The following EGLN1 variants were observed in gnomAD, a reference collection of about 807,000 sequenced individuals.
EGLN1 encodes egl nine homolog 1.
EGLN1 carries 17 observed loss-of-function variants against 38.3 expected under a neutral mutation model. The ratio of observed to expected loss-of-function variants is 0.44; its 90% CI spans 0.30 to 0.67. The LOEUF is 0.67. Ranked by LOEUF, EGLN1 falls within the 30% of genes least tolerant of loss-of-function variation. The pLI is 0.08. For synonymous variants in EGLN1, 283 were observed against 257.5 expected, an observed-to-expected ratio of 1.10 and a Z score of -0.95; for missense variants, 477 against 603.3, an observed-to-expected ratio of 0.79 and a Z score of 2.19.
intron 1 of EGLN1, among the ~76,000 whole-genome samples, chr1:231,397,473 GA>G (rs1688559460): frequency 6.6e-6 from 1 of 152,164 alleles, no homozygotes; most frequent in Non-Finnish European, 1.5e-5. Flanking sequence ...GCCTACCACT[GA>G]TTTTTGTAAA....
chr1:231,366,059 A>G lies in EGLN1; in HGVS notation c.*352T>C. The G allele has an allele frequency of 3.8e-6, 1 of 263,258 alleles. No homozygotes were observed. The highest frequency in any genetic ancestry group is 8.3e-5 in the East Asian group (1 of 12,100). The allele number at this position is 263,258 out of a possible 1,614,324, so 16.3% of individuals were successfully genotyped here. On this transcript the variant is annotated 3_prime_UTR_variant, in exon 5 of 5. Transcript: ENST00000366641. ...AAAAATTATCCCAAATTCAAACTTG[A>G]TATAAAAAAGGGAGAGATGAAATGA...
At chr1:231,402,832 G>A (rs1234402334) in intron 1 of EGLN1, among the ~76,000 whole-genome samples, 1 of 150,342 alleles carries the variant, frequency 6.7e-6, no homozygotes, top group East Asian at 2.0e-4. Context: ...AGATAGCCAT[G>A]TATTCCAAAA....
Position 231,366,247 on chromosome 1 carries a change from C to T in EGLN1, c.*164G>A. 1 of 701,674 alleles carries T rather than the reference C, an allele frequency of 1.4e-6. No individual in the cohort carries two copies. The highest frequency in any genetic ancestry group is 1.7e-5 in the South Asian group (1 of 58,476). 43.5% of individuals were successfully genotyped at this position (701,674 alleles called of 1,614,324 possible). On this transcript the variant is annotated 3_prime_UTR_variant, in exon 5 of 5. Transcript: ENST00000366641. ...TTGATCATGCAGTACAAAGTCACAG[C>T]AGTCAAAATCTTCTGTTTGATGCAA...
At chr1:231,397,280 C>T (rs942069145) in intron 1 of EGLN1, among the ~76,000 whole-genome samples, 7 of 152,132 alleles carry the variant, frequency 4.6e-5, no homozygotes, top group Admixed American at 3.9e-4. Flanking sequence ...CTTGGGTGGC[C>T]ACTTATGTTA....
chr1:231,375,222 A>C (rs1462728161), intron 1 of EGLN1, among the ~76,000 whole-genome samples: 1 of 149,720 alleles, frequency 6.7e-6, no homozygotes, highest in African/African-American at 2.4e-5. Context: ...GGCCCGGCTA[A>C]TTTTTGTATT....
At chr1:231,392,489 TG>T (rs1207466900) in intron 1 of EGLN1, among the ~76,000 whole-genome samples, 1 of 152,064 alleles carries the variant, frequency 6.6e-6, no homozygotes, top group African/African-American at 2.4e-5. Flanking sequence ...TGTCAACCAG[TG>T]TAACTAGACA....
At position 231,421,048 on chromosome 1, in the gene EGLN1, G is replaced by GT. The variant is rs2102946844; in HGVS notation, c.840dup (p.Arg281ThrfsTer4). The GT allele has an allele frequency of 6.2e-7, 1 of 1,614,126 alleles. No individual in the cohort carries two copies. The highest frequency in any genetic ancestry group is 8.5e-7 in the Non-Finnish European group (1 of 1,180,020). ...CTGCCCAGCTTCCCGTTACAGTGGCGTATCAGGTCGTCCATGCTGCTCATG... is the reference window on the plus strand; with the variant it reads ...CTGCCCAGCTTCCCGTTACAGTGGCGTTATCAGGTCGTCCATGCTGCTCATG... On this transcript the variant is annotated frameshift_variant, in exon 1 of 5. Transcript: ENST00000366641. LOFTEE classifies it high-confidence loss of function. The surrounding 1 kb of genome is among the most constrained non-coding windows in gnomAD (Gnocchi z 5.5).
chr1:231,375,451 C>T (rs181499278), intron 1 of EGLN1, among the ~76,000 whole-genome samples: 3 of 152,342 alleles, frequency 2.0e-5, no homozygotes, highest in Admixed American at 6.5e-5. Context: ...AATTGTTCTA[C>T]TATCATATTA....
At chr1:231,420,939 A>C in intron 1 of EGLN1, 59 bp downstream of exon 1, 1 of 1,613,428 alleles carries the variant, frequency 6.2e-7, no homozygotes, top group East Asian at 2.2e-5. Flanking sequence ...TTTCAGTCGC[A>C]GGCAGGGGCT....
intron 1 of EGLN1, among the ~76,000 whole-genome samples, chr1:231,379,258 G>A (rs1345803305): frequency 6.6e-6 from 1 of 152,120 alleles, no homozygotes; most frequent in Admixed American, 6.5e-5. Context: ...CTGCTGCAGT[G>A]GCACATGCTC....
At position 231,406,165 on chromosome 1, in the gene EGLN1, C is replaced by CA. The variant is rs5781651; in HGVS notation, c.891+14832dup. ...CGACAGAGCCAGAGAGACTCCGTCT[C>CA]AAAAAAAAAAAAAATTTCAGGTTAA... On this transcript the variant is annotated intron_variant, in intron 1 of 4. Coordinates refer to ENST00000366641, the MANE Select transcript of EGLN1 (RefSeq NM_022051.3). Among the ~76,000 whole-genome samples the CA allele has an allele frequency of 7.3e-4, 101 of 139,110 alleles. 1 individual carries two copies. The highest frequency in any genetic ancestry group is 2.5e-3 in the African/African-American group (87 of 34,878). 91.3% of individuals were successfully genotyped at this position (139,110 alleles called of 152,430 possible).
chr1:231,392,820 T>C (rs1348821639), intron 1 of EGLN1, among the ~76,000 whole-genome samples: 1 of 152,198 alleles, frequency 6.6e-6, no homozygotes, highest in Non-Finnish European at 1.5e-5. Context: ...TGTCCACGTG[T>C]GGACAAGCAG....
intron 1 of EGLN1, among the ~76,000 whole-genome samples, chr1:231,390,628 T>C (rs1024418580): frequency 6.6e-6 from 1 of 152,236 alleles, no homozygotes; most frequent in Non-Finnish European, 1.5e-5. Context: ...TCTTTGCAGC[T>C]AACCACATGC....
intron 4 of EGLN1, 107 bp from the exon 5 acceptor site, chr1:231,366,582 T>G: frequency 1.8e-6 from 2 of 1,126,812 alleles, no homozygotes; most frequent in Non-Finnish European, 2.6e-6. Flanking sequence ...ATTTCAACTT[T>G]GCAAACATCA....
rs1687590665 is a variant in EGLN1 at position 231,364,593 on chromosome 1, G to GGCTTCACTACACAAT, written c.*1803_*1817dup. 7.9e-6 allele frequency: 1 copy of GGCTTCACTACACAAT among 127,096 alleles called. No individual in the cohort carries two copies. The highest frequency in any genetic ancestry group is 2.7e-4 in the South Asian group (1 of 3,734). 7.9% of individuals were successfully genotyped at this position (127,096 alleles called of 1,614,324 possible). A position where few individuals can be genotyped will look rare whatever the true frequency, so the allele number is the denominator to read the frequency against. ...TCAATCCCATCCTAAGTCCACTGTT[G>GGCTTCACTACACAAT]GCTTCACTACACAATTTTTTTCCAT... On this transcript the variant is annotated 3_prime_UTR_variant, in exon 5 of 5. Coordinates refer to ENST00000366641, the MANE Select transcript of EGLN1 (RefSeq NM_022051.3).
chr1:231,406,998 T>A (rs1249512465), intron 1 of EGLN1, among the ~76,000 whole-genome samples: 1 of 152,212 alleles, frequency 6.6e-6, no homozygotes, highest in African/African-American at 2.4e-5. Context: ...TCTTTGCACA[T>A]AAATCATCTG....
chr1:231,383,357 C>G (rs1688119983), intron 1 of EGLN1, among the ~76,000 whole-genome samples: 2 of 152,128 alleles, frequency 1.3e-5, no homozygotes, highest in African/African-American at 4.8e-5. Context: ...CAGGTCACAA[C>G]AGGCAAACAG....
At chr1:231,370,810 C>T (rs1351354344) in intron 2 of EGLN1, 112 bp from the exon 3 acceptor site, 2 of 1,281,144 alleles carry the variant, frequency 1.6e-6, no homozygotes, top group East Asian at 4.7e-5. Flanking sequence ...TTCACAAATA[C>T]GTCTCAATAA....
chr1:231,413,901 C>T (rs1572051582), intron 1 of EGLN1, among the ~76,000 whole-genome samples: 1 of 151,994 alleles, frequency 6.6e-6, no homozygotes, highest in Non-Finnish European at 1.5e-5. Context: ...GATCTCAAGT[C>T]AACAGACACT....
Sources: gnomAD v4.1 joint callset for allele counts (sites outside exome capture counted in the v4.1 genomes callset) on GRCh38, gnomAD v4.1.1 for gene constraint, Gnocchi (gnomAD v3.1) non-coding constraint, MANE v1.5 for transcripts, NCBI Gene and HGNC (gene_info 2026-07-23, HGNC 2026-07-21) for gene names.